SLC38A11: variants seen among roughly 807,000 people sequenced by gnomAD.
SLC38A11 encodes solute carrier family 38 member 11, also known as putative sodium-coupled neutral amino acid transporter 11.
In SLC38A11, 51 loss-of-function variants were observed where a neutral mutation model predicts 49.4. That is an observed-to-expected ratio of 1.03 (90% CI 0.83 to 1.30). The LOEUF is 1.30. SLC38A11 is among the 50% of genes most tolerant of loss of function. The probability of loss-of-function intolerance (pLI) is 0.00; values close to 1 mark genes in which losing one functional copy is unlikely to be tolerated. For missense variants in SLC38A11, 574 were observed against 556.2 expected, an observed-to-expected ratio of 1.03 and a Z score of -0.32; for synonymous variants, 203 against 192.9, an observed-to-expected ratio of 1.05 and a Z score of -0.43.
At position 164,905,429 on chromosome 2, in the gene SLC38A11, G is replaced by A. The variant is rs55893202; in HGVS notation, c.1095+3211C>T. Among the ~76,000 whole-genome samples the A allele has an allele frequency of 2.7e-3, 416 of 152,184 alleles. 4 individuals carry two copies. The highest frequency in any genetic ancestry group is 9.5e-3 in the African/African-American group (395 of 41,522). On this transcript the variant is annotated intron_variant, in intron 11 of 11. Transcript: ENST00000685975. ...TTACAGGCATCAGCCACTGCGCCCT[G>A]CCCACATTATTATTATGAAGTAGAA...
chr2:164,921,299 C>T lies in SLC38A11; in HGVS notation c.618-5326G>A, dbSNP rs141938559. 4.1e-3 allele frequency among the ~76,000 whole-genome samples: 626 copies of T among 152,214 alleles called. 1 individual carries two copies. Among genetic ancestry groups the T allele is most frequent in the African/African-American group, 0.013 (543 of 41,566 alleles). On this transcript the variant is annotated intron_variant, in intron 7 of 11. Transcript: ENST00000685975. ...AAAAGCCATTTGTAATCTTTGATTTCATAAAATCAAGTTAATAAATTTTAT... is the reference window on the plus strand; with the variant it reads ...AAAAGCCATTTGTAATCTTTGATTTTATAAAATCAAGTTAATAAATTTTAT...
intron 7 of SLC38A11, among the ~76,000 whole-genome samples, chr2:164,921,043 A>G (rs1181313187): frequency 6.6e-6 from 1 of 152,168 alleles, no homozygotes; most frequent in East Asian, 1.9e-4. Flanking sequence ...GTGTACAAGA[A>G]GAGAAACATA....
intron 5 of SLC38A11, among the ~76,000 whole-genome samples, chr2:164,940,042 C>A (rs558616131): frequency 2.8e-5 from 4 of 144,606 alleles, no homozygotes; most frequent in African/African-American, 1.0e-4. Flanking sequence ...CACTAATACT[C>A]TAACAAAATT....
rs371023529 is a variant in SLC38A11 at position 164,907,018 on chromosome 2, A to T, written c.1095+1622T>A. ...TTGCCCTCCCTGTGGTGCATGACCA[A>T]TAAGTGCTAACTGGTGGGTGATTCT... On this transcript the variant is annotated intron_variant, in intron 11 of 11. Coordinates refer to ENST00000685975, the MANE Select transcript of SLC38A11 (RefSeq NM_001351537.2). 9.8e-5 allele frequency among the ~76,000 whole-genome samples: 15 copies of T among 152,290 alleles called. No individual in the cohort carries two copies. In the South Asian group the frequency reaches 3.1e-3, roughly 32 times the overall value.
chr2:164,952,408 T>A (rs1471502259), intron 3 of SLC38A11, among the ~76,000 whole-genome samples: 1 of 152,186 alleles, frequency 6.6e-6, no homozygotes, highest in Admixed American at 6.5e-5. Context: ...TCTCTTAGCC[T>A]TAATGAAGCT....
intron 7 of SLC38A11, among the ~76,000 whole-genome samples, chr2:164,920,375 C>G (rs1686107958): frequency 6.6e-6 from 1 of 151,880 alleles, no homozygotes; most frequent in Admixed American, 6.6e-5. Context: ...AACTTAAACC[C>G]CCATGCAAAT....
At chr2:164,921,858 C>G (rs1180843247) in intron 7 of SLC38A11, among the ~76,000 whole-genome samples, 2 of 152,108 alleles carry the variant, frequency 1.3e-5, no homozygotes, top group African/African-American at 2.4e-5. Flanking sequence ...AGCCTTAGAA[C>G]AGCAAACACT....
chr2:164,898,254 G>C lies in SLC38A11; in HGVS notation c.*183C>G. ...AGAACAAAACCCTTATTTTGTTCCAGTTAAAGGTGAAATACATTCAATTTT... is the reference window on the plus strand; with the variant it reads ...AGAACAAAACCCTTATTTTGTTCCACTTAAAGGTGAAATACATTCAATTTT... On this transcript the variant is annotated 3_prime_UTR_variant, in exon 12 of 12. Transcript: ENST00000685975. 1.8e-6 allele frequency: 1 copy of C among 544,792 alleles called. No homozygotes were observed. The highest frequency in any genetic ancestry group is 2.5e-5 in the South Asian group (1 of 39,978). The allele number at this position is 544,792 out of a possible 1,614,324, so 33.7% of individuals were successfully genotyped here.
intron 7 of SLC38A11, among the ~76,000 whole-genome samples, chr2:164,923,340 A>G (rs1686342233): frequency 6.6e-6 from 1 of 152,210 alleles, no homozygotes; most frequent in African/African-American, 2.4e-5. Flanking sequence ...CAAAGTTCCA[A>G]TATCCAGAAT....
intron 5 of SLC38A11, among the ~76,000 whole-genome samples, chr2:164,942,064 T>C (rs114943620): frequency 0.016 from 2,482 of 152,190 alleles, 19 homozygotes; most frequent in Middle Eastern, 0.037. Flanking sequence ...CTTGTCTGTG[T>C]TTTCTAATAT....
At chr2:164,906,677 A>G (rs1035841353) in intron 11 of SLC38A11, among the ~76,000 whole-genome samples, 6 of 152,180 alleles carry the variant, frequency 3.9e-5, no homozygotes, top group Non-Finnish European at 7.4e-5. Flanking sequence ...TGTTTGGCCT[A>G]TGCAAAACTG....
chr2:164,922,582 G>A lies in SLC38A11; in HGVS notation c.618-6609C>T, dbSNP rs540026900. Among the ~76,000 whole-genome samples, 242 of 152,178 alleles carry A rather than the reference G, an allele frequency of 1.6e-3. 1 individual carries two copies. Among genetic ancestry groups the A allele is most frequent in the African/African-American group, 5.6e-3 (234 of 41,524 alleles). On this transcript the variant is annotated intron_variant, in intron 7 of 11. Transcript: ENST00000685975. ...CATTAAAACTGATTCATTTAAAAAC[G>A]CACACCCACACAAATGGGAAAAGCA... is the stretch of plus-strand genomic sequence containing the variant.
intron 4 of SLC38A11, 126 bp downstream of exon 4, chr2:164,945,467 A>G (rs1688041126): frequency 1.2e-6 from 1 of 858,500 alleles, no homozygotes; most frequent in African/African-American, 1.8e-5. Context: ...AGAAGTAAAC[A>G]TTTCATTTGG....
intron 7 of SLC38A11, among the ~76,000 whole-genome samples, chr2:164,918,623 C>T (rs1046565008): frequency 2.0e-5 from 3 of 151,974 alleles, no homozygotes; most frequent in African/African-American, 7.2e-5. Flanking sequence ...ATTGATATTC[C>T]TAGCTGATTC....
rs765139262 is a variant in SLC38A11 at position 164,945,726 on chromosome 2, G to C, written c.231C>G (p.Asp77Glu). 3.3e-5 allele frequency: 53 copies of C among 1,604,044 alleles called. No individual in the cohort carries two copies. The highest frequency in any genetic ancestry group is 4.2e-5 in the Non-Finnish European group (49 of 1,177,832). The change falls in exon 4 of 12, where the codon GAC becomes GAG. Residue 77 changes from aspartate to glutamate, a missense_variant and splice_region_variant. By Grantham distance (45) the Asp-to-Glu change is conservative. Coordinates refer to ENST00000685975, the MANE Select transcript of SLC38A11 (RefSeq NM_001351537.2). Reference protein sequence around the residue: ...LLLFWVSYVTDFSLVLLIKGG... With the variant: ...LLLFWVSYVTEFSLVLLIKGG... Reference sequence around the variant, plus strand: ...CTTTTATCAATAAAACAAGGGAAAAGTCTGTGGCAAGAACATCAATTAAAT... The same window carrying C: ...CTTTTATCAATAAAACAAGGGAAAACTCTGTGGCAAGAACATCAATTAAAT...
intron 3 of SLC38A11, 101 bp from the exon 4 acceptor site, chr2:164,945,828 G>T: frequency 3.0e-6 from 4 of 1,349,584 alleles, no homozygotes; most frequent in Non-Finnish European, 4.1e-6. Context: ...TTTTAAAGAA[G>T]CATTTAATTT....
intron 6 of SLC38A11, among the ~76,000 whole-genome samples, chr2:164,938,733 G>T (rs1375040382): frequency 6.6e-6 from 1 of 152,038 alleles, no homozygotes; most frequent in Non-Finnish European, 1.5e-5. Context: ...TCAGCCAAAC[G>T]TTGGATTTTT....
At chr2:164,941,286 T>C in intron 5 of SLC38A11, among the ~76,000 whole-genome samples, 1 of 152,200 alleles carries the variant, frequency 6.6e-6, no homozygotes, top group East Asian at 1.9e-4. Flanking sequence ...CATTTCTTGT[T>C]ACTTTGACTT....
intron 7 of SLC38A11, among the ~76,000 whole-genome samples, chr2:164,924,698 AT>A (rs1049360163): frequency 6.6e-6 from 1 of 151,902 alleles, no homozygotes; most frequent in African/African-American, 2.4e-5. Flanking sequence ...CTTTATGGTA[AT>A]TTTTTGCTGA....
Sources: allele counts gnomAD v4.1 joint callset (sites outside exome capture counted in the v4.1 genomes callset), GRCh38; gene constraint gnomAD v4.1.1; transcripts MANE v1.5; gene names NCBI Gene and HGNC (gene_info 2026-07-23, HGNC 2026-07-21).